Variants in DACH2 observed in about 807,000 individuals in gnomAD.
The protein encoded by DACH2 is dachshund homolog 2.
A neutral mutation model predicts 35.8 loss-of-function variants in DACH2; 17 were observed. The observed-to-expected ratio is 0.48, with a 90% confidence interval of 0.33 to 0.71. The LOEUF (loss-of-function observed/expected upper bound fraction) is 0.71, where lower values mean the gene tolerates loss of function less well. Among genes scored for constraint, DACH2 ranks in the 30% least tolerant of loss-of-function variants. DACH2 has a pLI of 0.02. For synonymous variants in DACH2, 195 were observed against 177.3 expected (o/e 1.10, Z -0.79); for missense variants, 469 against 472.7 (o/e 0.99, Z 0.07).
At chrX:86,170,611 C>T (rs1349540351) in intron 1 of DACH2, among the ~76,000 whole-genome samples, 1 of 112,401 alleles carries the variant, frequency 8.9e-6, no homozygotes, top group Non-Finnish European at 1.9e-5. Context: ...AGGAGGCTCA[C>T]TCCATAGCTG....
intron 4 of DACH2, among the ~76,000 whole-genome samples, chrX:86,675,482 C>T (rs2040815587): frequency 9.0e-6 from 1 of 111,280 alleles, no homozygotes; most frequent in African/African-American, 3.3e-5. Context: ...CCCAGGAGTT[C>T]AAGACCAGCC....
In DACH2 at chrX:86,451,897, G is replaced by A. The variant is rs780077418; in HGVS notation, c.528-62382G>A. Among the ~76,000 whole-genome samples, 12 of 111,415 alleles carry A rather than the reference G, an allele frequency of 1.1e-4. No individual in the cohort carries two copies. In the East Asian group the frequency reaches 3.4e-3, roughly 31 times the overall value. ...TCCAATACTATGTTCAATAAAAGTG[G>A]TGAGAGAGGACATTCTTGTCTTGTA... On this transcript the variant is annotated intron_variant, in intron 2 of 11. Coordinates refer to ENST00000373125, the MANE Select transcript of DACH2 (RefSeq NM_053281.3).
At chrX:86,554,216 G>A (rs956474385) in intron 3 of DACH2, among the ~76,000 whole-genome samples, 4 of 111,246 alleles carry the variant, frequency 3.6e-5, no homozygotes, top group Non-Finnish European at 7.5e-5. Context: ...GTAGAATGGT[G>A]TAATAATATC....
intron 6 of DACH2, among the ~76,000 whole-genome samples, chrX:86,716,027 C>T (rs760855844): frequency 4.5e-5 from 5 of 111,557 alleles, no homozygotes; most frequent in Non-Finnish European, 5.7e-5. Flanking sequence ...AAGAAAGGAA[C>T]AGAAAAATTG....
At chrX:86,273,616 A>G (rs1420375982) in intron 1 of DACH2, among the ~76,000 whole-genome samples, 1 of 112,217 alleles carries the variant, frequency 8.9e-6, no homozygotes, top group Non-Finnish European at 1.9e-5. Context: ...TACACCATCT[A>G]CATTTTTTCC....
chrX:86,544,605 T>C (rs1014700752), intron 3 of DACH2, among the ~76,000 whole-genome samples: 11 of 111,279 alleles, frequency 9.9e-5, no homozygotes, highest in African/African-American at 3.3e-4. Flanking sequence ...GGGGAATTTG[T>C]TACCACCAGA....
chrX:86,335,929 A>T (rs1173774903), intron 1 of DACH2, among the ~76,000 whole-genome samples: 3 of 111,421 alleles, frequency 2.7e-5, no homozygotes, highest in Non-Finnish European at 5.6e-5. Context: ...TTCCATCAAT[A>T]CCTAGTTTAT....
At chrX:86,455,314 G>T (rs926835934) in intron 2 of DACH2, among the ~76,000 whole-genome samples, 5 of 111,514 alleles carry the variant, frequency 4.5e-5, no homozygotes, top group Non-Finnish European at 1.9e-5. Flanking sequence ...GAGCAGGTGT[G>T]CTATGTTGTG....
chrX:86,550,944 T>C (rs373806026), intron 3 of DACH2, among the ~76,000 whole-genome samples: 1 of 111,757 alleles, frequency 8.9e-6, no homozygotes, highest in Non-Finnish European at 1.9e-5. Flanking sequence ...AGGGGGAATA[T>C]GGCTTCAGTG....
chrX:86,196,571 T>C (rs770901522), intron 1 of DACH2, among the ~76,000 whole-genome samples: 4 of 106,415 alleles, frequency 3.8e-5, no homozygotes, highest in South Asian at 8.7e-4. Flanking sequence ...TGGGTGCCTG[T>C]AGTCCCAGCT....
At chrX:86,403,429 A>C (rs2036469825) in intron 2 of DACH2, among the ~76,000 whole-genome samples, 1 of 112,167 alleles carries the variant, frequency 8.9e-6, no homozygotes, top group South Asian at 3.6e-4. Context: ...AATATGAAAA[A>C]ATCACTAATC....
chrX:86,612,995 A>T, intron 3 of DACH2, among the ~76,000 whole-genome samples: 1 of 112,198 alleles, frequency 8.9e-6, no homozygotes, highest in Non-Finnish European at 1.9e-5. Flanking sequence ...TATCTTTTAA[A>T]CTGATTGAAA....
At chrX:86,182,324 A>G (rs1330345017) in intron 1 of DACH2, among the ~76,000 whole-genome samples, 1 of 111,976 alleles carries the variant, frequency 8.9e-6, no homozygotes, top group Non-Finnish European at 1.9e-5. Context: ...TTTAGGTTTT[A>G]CATTTAAGTC....
At position 86,365,904 on chromosome X, in the gene DACH2, T is replaced by G. The variant is rs966462457; in HGVS notation, c.489-10920T>G. Among the ~76,000 whole-genome samples, 5 of 111,041 alleles carry G rather than the reference T, an allele frequency of 4.5e-5. No individual in the cohort carries two copies. In the East Asian group the frequency reaches 1.4e-3, roughly 32 times the overall value. ...ACAAATTGCCAGGTAAGCAGAGAGG[T>G]AGGAGTCATAATTCAACTTGTATGT... On this transcript the variant is annotated intron_variant, in intron 1 of 11. Transcript: ENST00000373125.
At chrX:86,367,599 C>A (rs1023516992) in intron 1 of DACH2, among the ~76,000 whole-genome samples, 7 of 111,016 alleles carry the variant, frequency 6.3e-5, no homozygotes, top group Non-Finnish European at 9.5e-5. Context: ...ACTCATTCAA[C>A]CTTGGTTTTA....
intron 2 of DACH2, among the ~76,000 whole-genome samples, chrX:86,392,585 C>G (rs1324534645): frequency 1.8e-5 from 2 of 111,440 alleles, no homozygotes; most frequent in Non-Finnish European, 3.8e-5. Flanking sequence ...AACTGTTACT[C>G]TAGATTTTAA....
chrX:86,343,029 C>A (rs184025799), intron 1 of DACH2, among the ~76,000 whole-genome samples: 97 of 111,772 alleles, frequency 8.7e-4, no homozygotes, highest in African/African-American at 3.1e-3. Context: ...TACAGTTTCA[C>A]ACTTTAGTAG....
chrX:86,784,154 AC>A (rs1473081496), intron 7 of DACH2, among the ~76,000 whole-genome samples: 1 of 110,635 alleles, frequency 9.0e-6, no homozygotes, highest in East Asian at 2.8e-4. Flanking sequence ...TAAAAAAAAA[AC>A]TAAAAAGGAA....
At position 86,185,400 on chromosome X, in the gene DACH2, A is replaced by G. The variant is rs183192684; in HGVS notation, c.488+36292A>G. ...TTTTCTCCAGCCCTTTATTCCATGT[A>G]GGGGTAGGGAATCTTAATGAGATGG... On this transcript the variant is annotated intron_variant, in intron 1 of 11. Transcript: ENST00000373125. 2.7e-5 allele frequency among the ~76,000 whole-genome samples: 3 copies of G among 111,584 alleles called. No homozygotes were observed. The Admixed American group carries it at 2.9e-4, about 11-fold the overall frequency.
Sources: gnomAD v4.1 joint callset for allele counts (sites outside exome capture counted in the v4.1 genomes callset) on GRCh38, gnomAD v4.1.1 for gene constraint, MANE v1.5 for transcripts, NCBI Gene and HGNC (gene_info 2026-07-23, HGNC 2026-07-21) for gene names.